LINGO2: variants seen among roughly 807,000 people sequenced by gnomAD.
The protein encoded by LINGO2 is leucine rich repeat and Ig domain containing 2.
In LINGO2, 14 loss-of-function variants were observed where a neutral mutation model predicts 30.6. The observed-to-expected ratio is 0.46, with a 90% CI of 0.30 to 0.72. The LOEUF (loss-of-function observed/expected upper bound fraction) is 0.72, where lower values mean the gene tolerates loss of function less well. Ranked by LOEUF, LINGO2 falls within the 30% of genes least tolerant of loss-of-function variation. The pLI, the probability that LINGO2 is intolerant of heterozygous loss-of-function variation, is 0.07. For missense variants in LINGO2, 729 were observed against 751.7 expected (o/e 0.97, Z 0.35); for synonymous variants, 317 against 288.5 (o/e 1.10, Z -1.00).
chr9:28,629,395 C>T (rs958378084), intron 1 of LINGO2, among the ~76,000 whole-genome samples: 3 of 152,064 alleles, frequency 2.0e-5, no homozygotes, highest in African/African-American at 7.2e-5. Flanking sequence ...CTTTCTTCTT[C>T]CCTTTTCTTT....
At chr9:28,698,647 A>G in the LINGO2 span, among the ~76,000 whole-genome samples, 2 of 151,930 alleles carry the variant, frequency 1.3e-5, no homozygotes, top group Admixed American at 1.3e-4. Context: ...TATTTTTTAG[A>G]GGACTTTCAG....
intron 2 of LINGO2, among the ~76,000 whole-genome samples, chr9:28,374,759 C>A: frequency 6.6e-6 from 1 of 152,128 alleles, no homozygotes; most frequent in East Asian, 1.9e-4. Context: ...CATTTTACTC[C>A]GCTTTCACAA....
At chr9:28,685,977 A>ATGTGTGTGTGTGTGTGTG in the LINGO2 span, among the ~76,000 whole-genome samples, 8 of 145,584 alleles carry the variant, frequency 5.5e-5, no homozygotes, top group African/African-American at 1.8e-4. Context: ...AACATATATG[A>ATGTGTGTGTGTGTGTGTG]TGTGTGTGTG....
At chr9:28,385,789 A>T (rs1448207650) in intron 2 of LINGO2, among the ~76,000 whole-genome samples, 2 of 152,176 alleles carry the variant, frequency 1.3e-5, no homozygotes, top group African/African-American at 4.8e-5. Flanking sequence ...TTAGGCACAG[A>T]TTCAGAGAAG....
the LINGO2 span, among the ~76,000 whole-genome samples, chr9:29,170,188 A>C: frequency 6.6e-6 from 1 of 152,230 alleles, no homozygotes; most frequent in Non-Finnish European, 1.5e-5. Context: ...TAACAAAGTC[A>C]TAGAATCAAC....
At chr9:29,133,600 A>T in the LINGO2 span, among the ~76,000 whole-genome samples, 36,974 of 151,762 alleles carry the variant, frequency 0.24, 4,692 homozygotes, top group East Asian at 0.45. Context: ...CATTTTTTTT[A>T]AAATGCAAAA....
downstream of LINGO2, among the ~76,000 whole-genome samples, chr9:27,945,508 CA>C (rs896607353): frequency 2.6e-3 from 394 of 152,182 alleles, 2 homozygotes; most frequent in African/African-American, 8.9e-3. Flanking sequence ...TGAGCAAAAC[CA>C]GAGTGGAATG....
intron 5 of LINGO2, among the ~76,000 whole-genome samples, chr9:27,982,288 A>C (rs961013757): frequency 3.3e-5 from 5 of 151,894 alleles, no homozygotes; most frequent in Non-Finnish European, 7.4e-5. Context: ...CACATAATTT[A>C]TAAATCAGCC....
At chr9:28,992,540 C>T in the LINGO2 span, among the ~76,000 whole-genome samples, 1 of 152,190 alleles carries the variant, frequency 6.6e-6, no homozygotes, top group East Asian at 1.9e-4. Flanking sequence ...GAACTCTCCA[C>T]CCCAAATCAA....
chr9:27,983,853 C>T (rs758722776), intron 5 of LINGO2, among the ~76,000 whole-genome samples: 1 of 151,764 alleles, frequency 6.6e-6, no homozygotes, highest in African/African-American at 2.4e-5. Context: ...TTGAGTTATC[C>T]CAGAGTTTTT....
At chr9:28,979,734 A>G in the LINGO2 span, among the ~76,000 whole-genome samples, 1 of 152,180 alleles carries the variant, frequency 6.6e-6, no homozygotes, top group Non-Finnish European at 1.5e-5. Flanking sequence ...TCCACTAATT[A>G]TAACAGTTTT....
intron 5 of LINGO2, among the ~76,000 whole-genome samples, chr9:27,956,271 T>C (rs547658215): frequency 3.3e-4 from 50 of 152,264 alleles, no homozygotes; most frequent in African/African-American, 1.1e-3. Flanking sequence ...TCCATTCTTG[T>C]GGGACTATAT....
chr9:28,051,461 T>G (rs1039216544), intron 4 of LINGO2, among the ~76,000 whole-genome samples: 2 of 152,142 alleles, frequency 1.3e-5, no homozygotes, highest in Admixed American at 6.6e-5. Flanking sequence ...ACCAAGTGTA[T>G]GCACATCAAA....
the LINGO2 span, among the ~76,000 whole-genome samples, chr9:28,963,569 C>CACAG: frequency 8.6e-5 from 13 of 151,462 alleles, no homozygotes; most frequent in Non-Finnish European, 1.2e-4. Context: ...CACACACACA[C>CACAG]ACACACACAG....
chr9:28,714,164 A>AATCTATATATATATATATAT, the LINGO2 span, among the ~76,000 whole-genome samples: 172 of 117,132 alleles, frequency 1.5e-3, 1 homozygote, highest in African/African-American at 5.0e-3. Context: ...TGCCTCAAAT[A>AATCTATATATATATATATAT]ATATATATAT....
At chr9:28,339,236 C>A (rs1366227685) in intron 3 of LINGO2, among the ~76,000 whole-genome samples, 2 of 151,776 alleles carry the variant, frequency 1.3e-5, no homozygotes, top group Non-Finnish European at 2.9e-5. Flanking sequence ...TTTAATGGAA[C>A]TAATATTAAT....
chr9:28,797,357 T>TAGAGAGAGAG, the LINGO2 span, among the ~76,000 whole-genome samples: 271 of 55,152 alleles, frequency 4.9e-3, no homozygotes, highest in East Asian at 0.017. Flanking sequence ...TATATATATA[T>TAGAGAGAGAG]ATAGAGAGAG....
intron 4 of LINGO2, among the ~76,000 whole-genome samples, chr9:28,112,081 C>T (rs1337069998): frequency 9.9e-6 from 1 of 100,566 alleles, no homozygotes; most frequent in African/African-American, 3.9e-5. Context: ...CACCACAGTC[C>T]CCAGAGTGTG....
chr9:28,628,337 G>C (rs1215979771), intron 1 of LINGO2, among the ~76,000 whole-genome samples: 1 of 152,080 alleles, frequency 6.6e-6, no homozygotes, highest in African/African-American at 2.4e-5. Context: ...ATAAATACAG[G>C]AGTTCAGTTT....
Sources: gnomAD v4.1 joint callset for allele counts (sites outside exome capture counted in the v4.1 genomes callset) on GRCh38, gnomAD v4.1.1 for gene constraint, MANE v1.5 for transcripts, NCBI Gene and HGNC (gene_info 2026-07-23, HGNC 2026-07-21) for gene names.